TMEM248: variants seen among roughly 807,000 people sequenced by gnomAD.
TMEM248 encodes transmembrane protein 248.
A neutral mutation model predicts 30.3 loss-of-function variants in TMEM248; 9 were observed. The ratio of observed to expected loss-of-function variants is 0.30; its 90% confidence interval spans 0.18 to 0.52. The LOEUF (loss-of-function observed/expected upper bound fraction) is 0.52, where lower values mean the gene tolerates loss of function less well. TMEM248 is among the 20% of genes least tolerant of loss of function. The pLI is 0.97. For synonymous variants in TMEM248, 184 were observed against 154.4 expected (o/e 1.19, Z -1.42); for missense variants, 338 against 403.3 (o/e 0.84, Z 1.39).
chr7:66,954,537 C>T (rs903123691), intron 6 of TMEM248, among the ~76,000 whole-genome samples: 1 of 151,938 alleles, frequency 6.6e-6, no homozygotes, highest in African/African-American at 2.4e-5. Context: ...GCTGGGACCA[C>T]AGGCATGCAT....
intron 1 of TMEM248, among the ~76,000 whole-genome samples, chr7:66,935,108 C>T (rs1349049648): frequency 6.6e-6 from 1 of 152,100 alleles, no homozygotes; most frequent in African/African-American, 2.4e-5. Flanking sequence ...ATAAATTGAA[C>T]TCTGATTTAC....
chr7:66,953,508 GGA>G, intron 6 of TMEM248, 139 bp downstream of exon 6: 1 of 1,225,028 alleles, frequency 8.2e-7, no homozygotes, highest in Non-Finnish European at 1.1e-6. Flanking sequence ...TATCCGAGGA[GGA>G]TTGGTTCCAG....
rs1792409017 is a variant in TMEM248 at position 66,956,548 on chromosome 7, A to G, written c.*1026A>G. 2 of 152,248 alleles carry G rather than the reference A, an allele frequency of 1.3e-5. No homozygotes were observed. Among genetic ancestry groups the G allele is most frequent in the South Asian group, 4.1e-4 (2 of 4,836 alleles). 9.4% of individuals were successfully genotyped at this position (152,248 alleles called of 1,614,324 possible). ...TTGCTTTTATTTTCATGCTACTAAC[A>G]TATCTTCAGAAGGAAATGGCAACTA... On this transcript the variant is annotated 3_prime_UTR_variant, in exon 7 of 7. Transcript: ENST00000341567.
At chr7:66,926,434 A>C (rs1352810139) in intron 1 of TMEM248, among the ~76,000 whole-genome samples, 1 of 152,182 alleles carries the variant, frequency 6.6e-6, no homozygotes, top group Non-Finnish European at 1.5e-5. Context: ...AACCTGGCCA[A>C]CATGGTGAAA....
At position 66,956,700 on chromosome 7, in the gene TMEM248, AGG is replaced by A. The variant is rs971621876; in HGVS notation, c.*1183_*1184del. The A allele has an allele frequency of 6.6e-6, 1 of 150,478 alleles. No individual in the cohort carries two copies. Among genetic ancestry groups the A allele is most frequent in the Admixed American group, 6.6e-5 (1 of 15,076 alleles). 9.3% of individuals were successfully genotyped at this position (150,478 alleles called of 1,614,324 possible). A position where few individuals can be genotyped will look rare whatever the true frequency, so the allele number is the denominator to read the frequency against. On this transcript the variant is annotated 3_prime_UTR_variant, in exon 7 of 7. Transcript: ENST00000341567. Reference sequence around the variant, plus strand: ...TTTTTTTCTTTTTCTTTTTTTTTGGAGGGGGGAGGCAGGGTCTTGCTCTGTCC... The same window carrying A: ...TTTTTTTCTTTTTCTTTTTTTTTGGAGGGGAGGCAGGGTCTTGCTCTGTCC...
intron 3 of TMEM248, among the ~76,000 whole-genome samples, chr7:66,946,653 G>A (rs1792116648): frequency 6.6e-6 from 1 of 152,002 alleles, no homozygotes; most frequent in Non-Finnish European, 1.5e-5. Flanking sequence ...AAAGATAAAC[G>A]TGAGTTAATG....
Position 66,921,471 on chromosome 7 carries a change from G to A in TMEM248, c.-19+10G>A, listed in dbSNP as rs368089373. ...TGCCCGCCGGGGCGGGGTGAGCCGG[G>A]GCTGGAGGGCGGGCTGGGGTCGGGC... On this transcript the variant is annotated intron_variant, in intron 1 of 6. Coordinates refer to ENST00000341567, the MANE Select transcript of TMEM248 (RefSeq NM_017994.5). 1 of 150,994 alleles carries A rather than the reference G, an allele frequency of 6.6e-6. No individual in the cohort carries two copies. Among genetic ancestry groups the A allele is most frequent in the African/African-American group, 2.4e-5 (1 of 41,302 alleles). The allele number at this position is 150,994 out of a possible 1,614,324, so 9.4% of individuals were successfully genotyped here. A position where few individuals can be genotyped will look rare whatever the true frequency, so the allele number is the denominator to read the frequency against.
chr7:66,923,494 G>C (rs1278690658), intron 1 of TMEM248, among the ~76,000 whole-genome samples: 1 of 152,094 alleles, frequency 6.6e-6, no homozygotes, highest in Non-Finnish European at 1.5e-5. Context: ...AAGAGGATTT[G>C]GGCCATTCAG....
chr7:66,932,676 G>A (rs572758268), intron 1 of TMEM248, among the ~76,000 whole-genome samples: 3 of 151,118 alleles, frequency 2.0e-5, no homozygotes, highest in Non-Finnish European at 2.9e-5. Context: ...TGCCACTCCC[G>A]GCTAATTTGT....
At chr7:66,950,342 T>G (rs372200617) in intron 4 of TMEM248, among the ~76,000 whole-genome samples, 1 of 152,258 alleles carries the variant, frequency 6.6e-6, no homozygotes, top group Admixed American at 6.5e-5. Context: ...TCCTGGAGAT[T>G]GTTACCCCCA....
intron 1 of TMEM248, among the ~76,000 whole-genome samples, chr7:66,934,709 A>G (rs1342980067): frequency 6.6e-6 from 1 of 152,164 alleles, no homozygotes; most frequent in Non-Finnish European, 1.5e-5. Flanking sequence ...TGAATGTTTC[A>G]TAATTGTAGT....
At chr7:66,925,156 G>A (rs1791490549) in intron 1 of TMEM248, among the ~76,000 whole-genome samples, 1 of 151,942 alleles carries the variant, frequency 6.6e-6, no homozygotes, top group South Asian at 2.1e-4. Flanking sequence ...GAGTGGCTGG[G>A]AGCACAGATG....
In TMEM248 at chr7:66,957,416, G is replaced by C. The variant is rs1389385146; in HGVS notation, c.*1894G>C. On this transcript the variant is annotated 3_prime_UTR_variant, in exon 7 of 7. Transcript: ENST00000341567. ...TTAGTATGTTTCAAGTGCAGTAATC[G>C]TACTTGTCTATCCAGTTTCTATGTA... The C allele has an allele frequency of 6.6e-6, 1 of 152,120 alleles. No homozygotes were observed. Among genetic ancestry groups the C allele is most frequent in the African/African-American group, 2.4e-5 (1 of 41,422 alleles). 9.4% of individuals were successfully genotyped at this position (152,120 alleles called of 1,614,324 possible).
chr7:66,935,531 G>A (rs1791778393), intron 1 of TMEM248, among the ~76,000 whole-genome samples: 1 of 151,702 alleles, frequency 6.6e-6, no homozygotes, highest in African/African-American at 2.4e-5. Flanking sequence ...TGCAATGCAA[G>A]TACTATGTAA....
chr7:66,934,369 T>G (rs868817699), intron 1 of TMEM248, among the ~76,000 whole-genome samples: 10 of 152,214 alleles, frequency 6.6e-5, no homozygotes, highest in Middle Eastern at 6.8e-3. Flanking sequence ...CCCAGCTAAT[T>G]TTTGTATTTT....
intron 5 of TMEM248, among the ~76,000 whole-genome samples, chr7:66,952,352 G>T (rs1792287747): frequency 6.6e-6 from 1 of 152,160 alleles, no homozygotes; most frequent in Admixed American, 6.5e-5. Flanking sequence ...GGGATTATAG[G>T]CATGAGCCAC....
intron 6 of TMEM248, among the ~76,000 whole-genome samples, chr7:66,955,067 A>G (rs113446825): frequency 6.6e-6 from 1 of 152,230 alleles, no homozygotes; most frequent in Admixed American, 6.5e-5. Flanking sequence ...GTTCAAGACC[A>G]GCCTGGGCAA....
At chr7:66,953,543 C>T (rs1007220652) in intron 6 of TMEM248, among the ~76,000 whole-genome samples, 174 bp downstream of exon 6, 1 of 152,182 alleles carries the variant, frequency 6.6e-6, no homozygotes, top group Non-Finnish European at 1.5e-5. Flanking sequence ...TATCGAAATT[C>T]ATGAATGTCC....
In TMEM248 at chr7:66,948,591, G is replaced by A. The variant is rs1792177324; in HGVS notation, c.493G>A (p.Ala165Thr). 6.2e-7 allele frequency: 1 copy of A among 1,614,098 alleles called. No individual in the cohort carries two copies. The highest frequency in any genetic ancestry group is 8.5e-7 in the Non-Finnish European group (1 of 1,179,972). ...AAACATCACCTTCACCCTGCCTACA[G>A]CGTGGAGCTCAGATGACTGCGCCCT... Reference protein sequence around the residue: ...EINITFTLPTAWSSDDCALHG... With the variant: ...EINITFTLPTTWSSDDCALHG... Residue 165 changes from alanine to threonine, a missense_variant, in exon 4 of 7, where the codon GCG (alanine) becomes ACG (threonine). By Grantham distance (58) the Ala-to-Thr change is moderately conservative (BLOSUM62 0). Coordinates refer to ENST00000341567, the MANE Select transcript of TMEM248 (RefSeq NM_017994.5).
Sources: allele counts gnomAD v4.1 joint callset (sites outside exome capture counted in the v4.1 genomes callset), GRCh38; gene constraint gnomAD v4.1.1; transcripts MANE v1.5; gene names NCBI Gene and HGNC (gene_info 2026-07-23, HGNC 2026-07-21).